Variants in IQCJ observed in about 807,000 individuals in gnomAD.
The protein encoded by IQCJ is IQ domain-containing protein J.
IQCJ carries 9 observed loss-of-function variants against 11.0 expected under a neutral mutation model. That is an observed-to-expected ratio of 0.82 (90% CI 0.49 to 1.43). The LOEUF is 1.43. Among genes scored for constraint, IQCJ ranks in the 40% most tolerant of loss-of-function variants. IQCJ has a pLI of 0.00. For synonymous variants in IQCJ, 55 were observed against 51.3 expected (o/e 1.07, Z -0.31); for missense variants, 146 against 133.2 (o/e 1.10, Z -0.47).
At chr3:159,166,635 A>G (rs1039090196) in intron 1 of IQCJ, among the ~76,000 whole-genome samples, 1 of 152,222 alleles carries the variant, frequency 6.6e-6, no homozygotes. Flanking sequence ...CACCAAGTGC[A>G]GCAGTGTGCA....
Position 159,263,137 on chromosome 3 carries a change from G to T in IQCJ, c.*406G>T, listed in dbSNP as rs1005052206. 4.4e-6 allele frequency: 4 copies of T among 907,928 alleles called. No homozygotes were observed. The highest frequency in any genetic ancestry group is 2.3e-4 in the East Asian group (2 of 8,604). 56.2% of individuals were successfully genotyped at this position (907,928 alleles called of 1,614,324 possible). Reference sequence around the variant, plus strand: ...TTAAATGTCTCCAGGGGCCAGGTAAGTCACCCTCATGACTGAGGTGGCTGA... The same window carrying T: ...TTAAATGTCTCCAGGGGCCAGGTAATTCACCCTCATGACTGAGGTGGCTGA... On this transcript the variant is annotated 3_prime_UTR_variant, in exon 4 of 4. Coordinates refer to ENST00000397832, the MANE Select transcript of IQCJ (RefSeq NM_001042706.3).
chr3:159,235,105 G>A (rs961158168), intron 1 of IQCJ, among the ~76,000 whole-genome samples: 1 of 152,096 alleles, frequency 6.6e-6, no homozygotes, highest in African/African-American at 2.4e-5. Context: ...TGGCTTCTGT[G>A]CTTATTTGTA....
At chr3:159,160,683 TC>T (rs1721794191) in intron 1 of IQCJ, among the ~76,000 whole-genome samples, 1 of 91,516 alleles carries the variant, frequency 1.1e-5, no homozygotes, top group Middle Eastern at 5.4e-3. Flanking sequence ...CCCTTCCCCC[TC>T]CCCCCACCCC....
intron 1 of IQCJ, among the ~76,000 whole-genome samples, chr3:159,113,772 A>G (rs1183154847): frequency 1.3e-5 from 2 of 152,212 alleles, no homozygotes; most frequent in South Asian, 2.1e-4. Flanking sequence ...TGCTTACTCC[A>G]TGATCTCTGA....
At chr3:159,112,703 G>A (rs1363890765) in intron 1 of IQCJ, among the ~76,000 whole-genome samples, 5 of 152,152 alleles carry the variant, frequency 3.3e-5, no homozygotes, top group African/African-American at 9.7e-5. Context: ...TGGGGAGCAG[G>A]AACTACTCAG....
chr3:159,165,823 G>A (rs1269831502), intron 1 of IQCJ, among the ~76,000 whole-genome samples: 2 of 142,408 alleles, frequency 1.4e-5, no homozygotes, highest in African/African-American at 2.6e-5. Flanking sequence ...TAAAGACAGG[G>A]TTTCACCATG....
At chr3:159,186,004 A>G (rs1723350907) in intron 1 of IQCJ, among the ~76,000 whole-genome samples, 1 of 152,212 alleles carries the variant, frequency 6.6e-6, no homozygotes, top group Non-Finnish European at 1.5e-5. Flanking sequence ...GTATTACAGA[A>G]TTTGTGGGCA....
At chr3:159,222,769 A>G (rs1335349382) in intron 1 of IQCJ, among the ~76,000 whole-genome samples, 1 of 152,186 alleles carries the variant, frequency 6.6e-6, no homozygotes, top group African/African-American at 2.4e-5. Context: ...TATAGTAATC[A>G]TTTCACTATG....
intron 1 of IQCJ, among the ~76,000 whole-genome samples, chr3:159,197,216 A>G (rs1218924437): frequency 1.3e-5 from 2 of 152,220 alleles, no homozygotes; most frequent in African/African-American, 4.8e-5. Context: ...AAGTGGGTGT[A>G]GAAAGTCCAG....
At position 159,263,062 on chromosome 3, in the gene IQCJ, G is replaced by T. The variant is rs1728309992; in HGVS notation, c.*331G>T. 1 of 1,003,880 alleles carries T rather than the reference G, an allele frequency of 1.0e-6. No homozygotes were observed. The highest frequency in any genetic ancestry group is 5.6e-5 in the Admixed American group (1 of 17,972). The allele number at this position is 1,003,880 out of a possible 1,614,324, so 62.2% of individuals were successfully genotyped here. A position where few individuals can be genotyped will look rare whatever the true frequency, so the allele number is the denominator to read the frequency against. On this transcript the variant is annotated 3_prime_UTR_variant, in exon 4 of 4. Coordinates refer to ENST00000397832, the MANE Select transcript of IQCJ (RefSeq NM_001042706.3). Reference sequence around the variant, plus strand: ...AGATTGGTTATAAGGAGTAGAAAGAGAACTTTTACCAGAAGAATTGAAAGT... The same window carrying T: ...AGATTGGTTATAAGGAGTAGAAAGATAACTTTTACCAGAAGAATTGAAAGT...
intron 1 of IQCJ, among the ~76,000 whole-genome samples, chr3:159,106,335 T>A (rs1718260710): frequency 6.6e-6 from 1 of 152,084 alleles, no homozygotes; most frequent in East Asian, 1.9e-4. Flanking sequence ...GATATAAACA[T>A]GAGAGTTGTC....
At chr3:159,105,680 A>G (rs116696602) in intron 1 of IQCJ, among the ~76,000 whole-genome samples, 1,533 of 152,302 alleles carry the variant, frequency 0.01, 29 homozygotes, top group African/African-American at 0.035. Context: ...AGTGATCCAG[A>G]GAAAACACTG....
At chr3:159,143,443 TC>T (rs1196540048) in intron 1 of IQCJ, among the ~76,000 whole-genome samples, 2 of 152,180 alleles carry the variant, frequency 1.3e-5, no homozygotes, top group Non-Finnish European at 2.9e-5. Flanking sequence ...TAGTTCCTCA[TC>T]CCTTCGTTGC....
chr3:159,216,970 T>G (rs756811439), intron 1 of IQCJ, among the ~76,000 whole-genome samples: 15 of 152,312 alleles, frequency 9.8e-5, no homozygotes, highest in Non-Finnish European at 1.6e-4. Context: ...ATCTCTCCTT[T>G]TTTTGTCCAA....
At chr3:159,153,438 G>A (rs1721342600) in intron 1 of IQCJ, among the ~76,000 whole-genome samples, 1 of 152,150 alleles carries the variant, frequency 6.6e-6, no homozygotes, top group South Asian at 2.1e-4. Flanking sequence ...TTGTGTGCTT[G>A]TCAAGAGGGC....
chr3:159,146,853 A>G (rs1456611036), intron 1 of IQCJ, among the ~76,000 whole-genome samples: 5 of 152,240 alleles, frequency 3.3e-5, no homozygotes, highest in African/African-American at 1.2e-4. Flanking sequence ...ATTTCAGCCA[A>G]GATTAAATAG....
intron 1 of IQCJ, among the ~76,000 whole-genome samples, chr3:159,101,718 G>C (rs1381138617): frequency 2.6e-5 from 4 of 152,122 alleles, no homozygotes; most frequent in African/African-American, 9.7e-5. Flanking sequence ...TCTTCTTTGT[G>C]TTCAGGTTTC....
chr3:159,225,072 TGATA>T (rs1423366082), intron 1 of IQCJ, among the ~76,000 whole-genome samples: 1 of 152,194 alleles, frequency 6.6e-6, no homozygotes, highest in Non-Finnish European at 1.5e-5. Context: ...AATATGTACC[TGATA>T]GATTTATAAT....
chr3:159,131,947 T>TACAC (rs139886905), intron 1 of IQCJ, among the ~76,000 whole-genome samples: 47 of 150,238 alleles, frequency 3.1e-4, no homozygotes, highest in African/African-American at 1.0e-3. Context: ...TTACATTAAG[T>TACAC]ACACACACAC....
Sources: allele counts gnomAD v4.1 joint callset (sites outside exome capture counted in the v4.1 genomes callset), GRCh38; gene constraint gnomAD v4.1.1; transcripts MANE v1.5; gene names NCBI Gene and HGNC (gene_info 2026-07-23, HGNC 2026-07-21).